Variants in REEP3 observed in about 807,000 individuals in gnomAD.
REEP3 encodes receptor expression-enhancing protein 3.
A neutral mutation model predicts 41.3 loss-of-function variants in REEP3; 20 were observed. The observed-to-expected ratio is 0.48, with a 90% CI of 0.34 to 0.70. The LOEUF (loss-of-function observed/expected upper bound fraction) is 0.70. Among genes scored for constraint, REEP3 ranks in the 30% least tolerant of loss-of-function variants. REEP3 has a pLI of 0.01. For synonymous variants in REEP3, 104 were observed against 101.8 expected (o/e 1.02, Z -0.13); for missense variants, 271 against 308.8 (o/e 0.88, Z 0.92).
At chr10:63,590,516 GA>G (rs923024611) in intron 2 of REEP3, among the ~76,000 whole-genome samples, 1 of 111,572 alleles carries the variant, frequency 9.0e-6, no homozygotes, top group Non-Finnish European at 2.0e-5. Flanking sequence ...TGGGATCAAG[GA>G]AATTTTTTTT....
At chr10:63,528,830 C>T (rs185821809) in intron 1 of REEP3, among the ~76,000 whole-genome samples, 50 of 152,320 alleles carry the variant, frequency 3.3e-4, no homozygotes, top group African/African-American at 1.1e-3. Context: ...CCTCCTGCCT[C>T]ATTCCCTCGC....
At chr10:63,579,336 T>C (rs774032570) in intron 2 of REEP3, among the ~76,000 whole-genome samples, 1 of 152,148 alleles carries the variant, frequency 6.6e-6, no homozygotes, top group Non-Finnish European at 1.5e-5. Flanking sequence ...GGGCCCTTCA[T>C]TGTGTTTTCT....
chr10:63,553,153 C>A (rs1564476671), intron 1 of REEP3, among the ~76,000 whole-genome samples: 1 of 152,152 alleles, frequency 6.6e-6, no homozygotes, highest in African/African-American at 2.4e-5. Flanking sequence ...AGTAAACAGG[C>A]AGTGTGGCTC....
At chr10:63,556,138 T>G (rs1308732990) in intron 1 of REEP3, among the ~76,000 whole-genome samples, 1 of 152,094 alleles carries the variant, frequency 6.6e-6, no homozygotes, top group Non-Finnish European at 1.5e-5. Context: ...ATTTTATTAT[T>G]TATTTATTTA....
intron 2 of REEP3, among the ~76,000 whole-genome samples, chr10:63,571,855 T>A (rs1354012631): frequency 1.3e-5 from 2 of 152,158 alleles, no homozygotes; most frequent in Non-Finnish European, 2.9e-5. Context: ...AAAGACAGAA[T>A]TGGTACCAGA....
chr10:63,602,308 G>A (rs1956179255), intron 5 of REEP3, among the ~76,000 whole-genome samples: 1 of 152,190 alleles, frequency 6.6e-6, no homozygotes, highest in African/African-American at 2.4e-5. Context: ...GTTACAGTAG[G>A]AAAGTAGAGG....
At position 63,556,634 on chromosome 10, in the gene REEP3, G is replaced by T. The variant is rs71490889; in HGVS notation, c.33-9704G>T. On this transcript the variant is annotated intron_variant, in intron 1 of 7. Coordinates refer to ENST00000373758, the MANE Select transcript of REEP3 (RefSeq NM_001001330.3). ...TGCTTGTTTTTTTTTTTGTTGTTTT[G>T]TTTTTTTTTTTTTTTTTTTGAGACG... 8.8e-3 allele frequency among the ~76,000 whole-genome samples: 689 copies of T among 78,464 alleles called. 27 individuals are homozygous for T. Among genetic ancestry groups the T allele is most frequent in the African/African-American group, 0.029 (640 of 22,160 alleles). 51.5% of individuals were successfully genotyped at this position (78,464 alleles called of 152,430 possible). A position where few individuals can be genotyped will look rare whatever the true frequency, so the allele number is the denominator to read the frequency against.
At chr10:63,577,763 C>T (rs1955910684) in intron 2 of REEP3, among the ~76,000 whole-genome samples, 1 of 151,988 alleles carries the variant, frequency 6.6e-6, no homozygotes, top group Admixed American at 6.6e-5. Flanking sequence ...AGGAATTTTG[C>T]CACCATTTCT....
At chr10:63,595,675 C>T (rs1158209469) in intron 3 of REEP3, among the ~76,000 whole-genome samples, 1 of 152,056 alleles carries the variant, frequency 6.6e-6, no homozygotes, top group Non-Finnish European at 1.5e-5. Context: ...CTCCCGGGTT[C>T]AAGCGATTCT....
chr10:63,578,004 A>T (rs970634940), intron 2 of REEP3, among the ~76,000 whole-genome samples: 2 of 152,174 alleles, frequency 1.3e-5, no homozygotes, highest in African/African-American at 4.8e-5. Context: ...ATGTATATTC[A>T]GTTTACCATC....
chr10:63,616,030 C>G (rs2133434567), intron 6 of REEP3, among the ~76,000 whole-genome samples: 1 of 152,244 alleles, frequency 6.6e-6, no homozygotes, highest in Non-Finnish European at 1.5e-5. Flanking sequence ...TTTACAAAAC[C>G]CAACTCTAAT....
At chr10:63,553,113 C>G (rs566463157) in intron 1 of REEP3, among the ~76,000 whole-genome samples, 15 of 152,298 alleles carry the variant, frequency 9.8e-5, no homozygotes, top group African/African-American at 2.9e-4. Flanking sequence ...GAAGACCAAA[C>G]CTTTTTTTAA....
intron 2 of REEP3, among the ~76,000 whole-genome samples, chr10:63,581,803 C>A (rs1034797185): frequency 1.4e-5 from 2 of 146,618 alleles, no homozygotes; most frequent in East Asian, 2.0e-4. Context: ...TTTAAAAATT[C>A]TTTTATCTGC....
intron 5 of REEP3, 123 bp downstream of exon 5, chr10:63,599,406 A>G (rs1956151068): frequency 2.2e-6 from 1 of 450,258 alleles, no homozygotes; most frequent in African/African-American, 2.1e-5. Context: ...AATACTGGAA[A>G]ACAAGTAAAT....
intron 1 of REEP3, among the ~76,000 whole-genome samples, chr10:63,529,677 A>T (rs1955400593): frequency 6.6e-6 from 1 of 151,982 alleles, no homozygotes. Flanking sequence ...CATATTGCCC[A>T]GGCTGGTCTC....
intron 2 of REEP3, among the ~76,000 whole-genome samples, chr10:63,586,694 T>A (rs1956010115): frequency 6.6e-6 from 1 of 152,104 alleles, no homozygotes; most frequent in East Asian, 1.9e-4. Flanking sequence ...TTTTAAAAAA[T>A]TAATTTTTTA....
chr10:63,562,569 T>C (rs567258834), intron 1 of REEP3: 1 of 456,452 alleles, frequency 2.2e-6, no homozygotes, highest in African/African-American at 2.0e-5. Context: ...AAGGCAGAGA[T>C]TGTTAATGAT....
rs57254958 is a variant in REEP3 at position 63,623,755 on chromosome 10, A to ATGTGTGTG, written c.*2922_*2929dup. On this transcript the variant is annotated 3_prime_UTR_variant, in exon 8 of 8. Coordinates refer to ENST00000373758, the MANE Select transcript of REEP3 (RefSeq NM_001001330.3). ...CCCCCTCACATACTTCACAATATAT[A>ATGTGTGTG]TGTGTGTGTGTGTGTGTGTGTGTGT... The ATGTGTGTG allele has an allele frequency of 0.025, 3,577 of 142,354 alleles. 61 individuals are homozygous for ATGTGTGTG. Among genetic ancestry groups the ATGTGTGTG allele is most frequent in the Admixed American group, 0.04 (557 of 13,946 alleles). 8.8% of individuals were successfully genotyped at this position (142,354 alleles called of 1,614,324 possible).
intron 6 of REEP3, among the ~76,000 whole-genome samples, 161 bp downstream of exon 6, chr10:63,610,495 A>T (rs1261827995): frequency 1.3e-5 from 2 of 152,124 alleles, no homozygotes; most frequent in African/African-American, 2.4e-5. Context: ...GGGTTGGTAG[A>T]TGCAGCAAAC....
Sources: gnomAD v4.1 joint callset for allele counts (sites outside exome capture counted in the v4.1 genomes callset) on GRCh38, gnomAD v4.1.1 for gene constraint, MANE v1.5 for transcripts, NCBI Gene and HGNC (gene_info 2026-07-23, HGNC 2026-07-21) for gene names.